The following SAMD13 variants were observed in gnomAD, a reference collection of about 807,000 sequenced individuals.
SAMD13 encodes the protein sterile alpha motif domain containing 13, also known as sterile alpha motif domain-containing protein 13.
Under a neutral mutation model 12.4 loss-of-function variants are expected in SAMD13, and 9 were observed. The ratio of observed to expected loss-of-function variants is 0.72; its 90% CI spans 0.44 to 1.26. The LOEUF (loss-of-function observed/expected upper bound fraction) is 1.26. Among genes scored for constraint, SAMD13 ranks in the 50% most tolerant of loss-of-function variants. The pLI, the probability that SAMD13 is intolerant of heterozygous loss-of-function variation, is 0.00. For missense variants in SAMD13, 84 were observed against 119.6 expected, an observed-to-expected ratio of 0.70 and a Z score of 1.39; for synonymous variants, 46 against 45.4, an observed-to-expected ratio of 1.01 and a Z score of -0.05.
intron 3 of SAMD13, among the ~76,000 whole-genome samples, chr1:84,327,398 G>GT (rs1206100080): frequency 6.6e-6 from 1 of 152,028 alleles, no homozygotes; most frequent in Non-Finnish European, 1.5e-5. Flanking sequence ...TCAATCAGTG[G>GT]TAAAAAAACA....
intron 3 of SAMD13, among the ~76,000 whole-genome samples, chr1:84,342,991 A>T (rs984181264): frequency 2.6e-5 from 4 of 152,214 alleles, no homozygotes; most frequent in African/African-American, 9.6e-5. Context: ...ATCTACAAGG[A>T]ATTTAAACAA....
At chr1:84,325,589 C>A in intron 2 of SAMD13, 48 bp from the exon 3 acceptor site, 3 of 1,169,514 alleles carry the variant, frequency 2.6e-6, no homozygotes, top group South Asian at 1.2e-5. Flanking sequence ...CTGGCCACAC[C>A]CTTGTGCAGG....
upstream of SAMD13, chr1:84,298,570 A>G (rs1452088598): frequency 3.9e-6 from 5 of 1,282,186 alleles, no homozygotes; most frequent in South Asian, 1.1e-4. Context: ...GCGGGGAGGT[A>G]AGTGATCTGC....
chr1:84,319,296 A>T (rs892732346), intron 2 of SAMD13, among the ~76,000 whole-genome samples: 2 of 152,122 alleles, frequency 1.3e-5, no homozygotes, highest in African/African-American at 2.4e-5. Flanking sequence ...ATTGTATCTG[A>T]TAGTAAACAA....
chr1:84,326,040 G>A (rs1245416075), intron 3 of SAMD13, among the ~76,000 whole-genome samples: 1 of 152,138 alleles, frequency 6.6e-6, no homozygotes, highest in Non-Finnish European at 1.5e-5. Flanking sequence ...GAGTGAATCA[G>A]CCCTACCTTC....
chr1:84,318,657 T>A (rs1570239377), intron 2 of SAMD13, among the ~76,000 whole-genome samples: 1 of 152,304 alleles, frequency 6.6e-6, no homozygotes, highest in East Asian at 1.9e-4. Context: ...GTTTCTTTGT[T>A]GAATGGTTTC....
chr1:84,322,328 G>A (rs911837304), intron 2 of SAMD13, among the ~76,000 whole-genome samples: 4 of 152,184 alleles, frequency 2.6e-5, no homozygotes, highest in African/African-American at 9.7e-5. Context: ...TTGGAGGCAA[G>A]CATATCCGGA....
At chr1:84,310,650 C>T (rs779118061) in intron 2 of SAMD13, among the ~76,000 whole-genome samples, 3 of 152,156 alleles carry the variant, frequency 2.0e-5, no homozygotes, top group Non-Finnish European at 4.4e-5. Context: ...GTAATATTTA[C>T]ATCCACATTG....
chr1:84,312,806 A>G (rs538017408), intron 2 of SAMD13, among the ~76,000 whole-genome samples: 10 of 152,282 alleles, frequency 6.6e-5, no homozygotes, highest in South Asian at 6.2e-4. Flanking sequence ...TAGTTCCTCA[A>G]TCAAACTTCA....
At chr1:84,298,699 C>T, upstream of SAMD13, 2 of 874,356 alleles carry the variant, frequency 2.3e-6, no homozygotes, top group Non-Finnish European at 3.0e-6. Flanking sequence ...GGCCGTGTGT[C>T]CGGTGCTCCT....
intron 2 of SAMD13, 127 bp from the exon 3 acceptor site, chr1:84,325,510 C>A: frequency 1.6e-6 from 1 of 643,168 alleles, no homozygotes. Flanking sequence ...GTGACTAAGC[C>A]AGTGAGAGTA....
intron 2 of SAMD13, among the ~76,000 whole-genome samples, chr1:84,309,217 T>A (rs1488006396): frequency 6.6e-6 from 1 of 152,156 alleles, no homozygotes; most frequent in Non-Finnish European, 1.5e-5. Flanking sequence ...CCAAGATAAC[T>A]CTTTTTTCTT....
intron 3 of SAMD13, among the ~76,000 whole-genome samples, chr1:84,336,067 A>G (rs761402455): frequency 4.6e-5 from 7 of 152,106 alleles, no homozygotes; most frequent in African/African-American, 7.2e-5. Flanking sequence ...GGCTGTCTGC[A>G]TGTCCTGAAT....
intron 3 of SAMD13, among the ~76,000 whole-genome samples, chr1:84,331,996 T>G (rs1307102711): frequency 6.6e-6 from 1 of 152,224 alleles, no homozygotes; most frequent in Admixed American, 6.5e-5. Context: ...TGGTTTTCTG[T>G]TCCTGCATTA....
At chr1:84,337,838 T>C (rs893164467) in intron 3 of SAMD13, among the ~76,000 whole-genome samples, 1 of 152,174 alleles carries the variant, frequency 6.6e-6, no homozygotes, top group Non-Finnish European at 1.5e-5. Flanking sequence ...AACACCCAAA[T>C]CACCTCTTGA....
intron 3 of SAMD13, among the ~76,000 whole-genome samples, chr1:84,326,362 T>C (rs1679059840): frequency 6.6e-6 from 1 of 152,168 alleles, no homozygotes; most frequent in Non-Finnish European, 1.5e-5. Context: ...TAGTGGACAA[T>C]ATACACACAG....
chr1:84,305,241 TA>T (rs1237641235), intron 2 of SAMD13, among the ~76,000 whole-genome samples: 1 of 152,186 alleles, frequency 6.6e-6, no homozygotes, highest in African/African-American at 2.4e-5. Context: ...TTTTCAGTTT[TA>T]TTTCCCTAAT....
chr1:84,303,600 C>T (rs1217123200), intron 2 of SAMD13: 11 of 205,390 alleles, frequency 5.4e-5, no homozygotes, highest in African/African-American at 2.5e-4. Context: ...GAGACTCTTC[C>T]ATAGACAACA....
intron 2 of SAMD13, among the ~76,000 whole-genome samples, chr1:84,319,723 G>A (rs316663): frequency 0.95 from 143,907 of 152,224 alleles, 68,244 homozygotes; most frequent in Non-Finnish European, 1. Context: ...GAGGCTGTTT[G>A]TAAGATCCTT....
Sources: allele counts gnomAD v4.1 joint callset (sites outside exome capture counted in the v4.1 genomes callset), GRCh38; gene constraint gnomAD v4.1.1; transcripts MANE v1.5; gene names NCBI Gene and HGNC (gene_info 2026-07-23, HGNC 2026-07-21).